The following NCOA1 variants were observed in gnomAD, a reference collection of about 807,000 sequenced individuals.
NCOA1 encodes the protein Hin-2 protein.
A neutral mutation model predicts 150.9 loss-of-function variants in NCOA1; 35 were observed. The ratio of observed to expected loss-of-function variants is 0.23; its 90% CI spans 0.18 to 0.31. The LOEUF is 0.31. NCOA1 is among the 10% of genes least tolerant of loss of function. The probability of loss-of-function intolerance (pLI) is 1.00; values close to 1 mark genes in which losing one functional copy is unlikely to be tolerated. For missense variants in NCOA1, 1,491 were observed against 1,749.3 expected, an observed-to-expected ratio of 0.85 and a Z score of 2.63; for synonymous variants, 590 against 630.0, an observed-to-expected ratio of 0.94 and a Z score of 0.95.
chr2:24,599,194 T>A (rs1272952261), intron 3 of NCOA1, among the ~76,000 whole-genome samples: 1 of 152,148 alleles, frequency 6.6e-6, no homozygotes, highest in Admixed American at 6.6e-5. Context: ...GATGGGCAAG[T>A]GGAATATAAG....
At chr2:24,585,511 A>T (rs2148319966) in intron 3 of NCOA1, among the ~76,000 whole-genome samples, 1 of 152,172 alleles carries the variant, frequency 6.6e-6, no homozygotes, top group East Asian at 1.9e-4. Context: ...TTTTTTTAAC[A>T]TAATGGCAAT....
intron 1 of NCOA1, among the ~76,000 whole-genome samples, chr2:24,498,362 A>G (rs1183631535): frequency 6.6e-6 from 1 of 152,240 alleles, no homozygotes; most frequent in East Asian, 1.9e-4. Flanking sequence ...TCTTAAGCAG[A>G]TTATGACCTG....
intron 1 of NCOA1, among the ~76,000 whole-genome samples, chr2:24,520,910 T>G (rs1664390459): frequency 3.1e-5 from 1 of 32,102 alleles, no homozygotes; most frequent in Admixed American, 5.3e-4. Flanking sequence ...TCTTTTTCCT[T>G]GCTCATTCTT....
At position 24,613,442 on chromosome 2, in the gene NCOA1, C is replaced by T. The variant is rs138670047; in HGVS notation, c.-175+28882C>T. Among the ~76,000 whole-genome samples, 118 of 152,308 alleles carry T rather than the reference C, an allele frequency of 7.7e-4. 1 individual carries two copies. The East Asian group carries it at 0.018, about 23-fold the overall frequency. On this transcript the variant is annotated intron_variant, in intron 3 of 22. Transcript: ENST00000348332. ...CAGGCCACCTACAGTCCCCTGATGG[C>T]AGGCACAATCACTAACACTGAGGGA... is the stretch of plus-strand genomic sequence containing the variant.
At chr2:24,674,063 G>A (rs138694907) in intron 7 of NCOA1, among the ~76,000 whole-genome samples, 11 of 151,536 alleles carry the variant, frequency 7.3e-5, no homozygotes, top group African/African-American at 2.2e-4. Flanking sequence ...TTGTTTCCAA[G>A]CATCCTCATT....
chr2:24,496,598 G>T (rs923762759), intron 1 of NCOA1, among the ~76,000 whole-genome samples: 2 of 152,112 alleles, frequency 1.3e-5, no homozygotes, highest in African/African-American at 4.8e-5. Context: ...TTTTGAGAGA[G>T]ATTCTCTTTT....
At chr2:24,540,479 A>G (rs1392152834) in intron 1 of NCOA1, among the ~76,000 whole-genome samples, 3 of 148,016 alleles carry the variant, frequency 2.0e-5, no homozygotes, top group Non-Finnish European at 4.5e-5. Flanking sequence ...TTTTTTTGAG[A>G]CGGAGTTTCG....
At chr2:24,523,091 C>T (rs1664488093) in intron 1 of NCOA1, among the ~76,000 whole-genome samples, 2 of 152,180 alleles carry the variant, frequency 1.3e-5, no homozygotes, top group Admixed American at 1.3e-4. Context: ...AGTCAATTAT[C>T]TGTAGGTAGA....
intron 1 of NCOA1, among the ~76,000 whole-genome samples, chr2:24,493,047 G>A (rs979854862): frequency 1.3e-5 from 2 of 152,044 alleles, no homozygotes; most frequent in East Asian, 1.9e-4. Flanking sequence ...GAAGGGGGTC[G>A]GATTTCTTCA....
intron 3 of NCOA1, among the ~76,000 whole-genome samples, chr2:24,620,871 C>T (rs1169657266): frequency 2.0e-5 from 3 of 152,076 alleles, no homozygotes; most frequent in Admixed American, 6.6e-5. Flanking sequence ...TTAGGATATG[C>T]AGGACCTTTC....
intron 3 of NCOA1, among the ~76,000 whole-genome samples, chr2:24,589,125 T>A (rs1667539374): frequency 6.6e-6 from 1 of 152,200 alleles, no homozygotes; most frequent in South Asian, 2.1e-4. Context: ...TTGTGTGACC[T>A]TGTAGTGGTG....
intron 1 of NCOA1, among the ~76,000 whole-genome samples, chr2:24,526,816 A>G (rs944451918): frequency 6.6e-6 from 1 of 152,168 alleles, no homozygotes; most frequent in African/African-American, 2.4e-5. Flanking sequence ...TGGGTTTTGC[A>G]TCCATGGATT....
In NCOA1 at chr2:24,734,546, C is replaced by G. The variant is rs1366702001; in HGVS notation, c.3201+4731C>G. On this transcript the variant is annotated intron_variant, in intron 17 of 22. Coordinates refer to ENST00000348332, the MANE Select transcript of NCOA1 (RefSeq NM_003743.5). ...GTGATGGCTTACACCTATAACCCCC[C>G]CATTTTGAGAGGCGTAGGCAGGAAG... Among the ~76,000 whole-genome samples, 4 of 152,186 alleles carry G rather than the reference C, an allele frequency of 2.6e-5. No homozygotes were observed. The East Asian group carries it at 7.7e-4, about 29-fold the overall frequency.
intron 6 of NCOA1, among the ~76,000 whole-genome samples, chr2:24,667,663 T>C (rs1048176892): frequency 2.0e-5 from 3 of 152,138 alleles, no homozygotes; most frequent in Admixed American, 2.0e-4. Context: ...AGAAACAGGA[T>C]AGCTGGAAAA....
rs199890382 is a variant in NCOA1, at chr2:24,707,826, A to G, written c.2356A>G (p.Thr786Ala). ...EKKEQMDPCN[T>A]NPTPMTKPTP... ...GAAAGAACAGATGGATCCATGTAAT[A>G]CAAACCCAACCCCAATGACCAAACC... is the stretch of plus-strand genomic sequence containing the variant. Residue 786 changes from threonine (T) to alanine (A), a missense_variant, in exon 13 of 23, where the codon ACA becomes GCA. Thr to Ala is a moderately conservative substitution (Grantham distance 58). Coordinates refer to ENST00000348332, the MANE Select transcript of NCOA1 (RefSeq NM_003743.5). 1.2e-6 allele frequency: 2 copies of G among 1,613,880 alleles called. No homozygotes were observed. The highest frequency in any genetic ancestry group is 8.5e-7 in the Non-Finnish European group (1 of 1,179,926).
chr2:24,535,307 A>T (rs1209614337), intron 1 of NCOA1, among the ~76,000 whole-genome samples: 2 of 151,740 alleles, frequency 1.3e-5, no homozygotes, highest in Admixed American at 6.6e-5. Flanking sequence ...TGCTTGGTAG[A>T]TCTTCCTCCA....
chr2:24,738,463 A>T (rs779293334), intron 17 of NCOA1, among the ~76,000 whole-genome samples: 11 of 152,180 alleles, frequency 7.2e-5, no homozygotes, highest in Non-Finnish European at 1.3e-4. Context: ...TTTTGTTACC[A>T]GATACTGTTA....
chr2:24,524,336 C>T (rs532047615), intron 1 of NCOA1, among the ~76,000 whole-genome samples: 1 of 152,278 alleles, frequency 6.6e-6, no homozygotes, highest in South Asian at 2.1e-4. Context: ...CACTCTGTCG[C>T]CCAGGCTGGT....
At chr2:24,644,724 C>G (rs1670385742) in intron 4 of NCOA1, among the ~76,000 whole-genome samples, 4 of 152,104 alleles carry the variant, frequency 2.6e-5, no homozygotes, top group Admixed American at 2.6e-4. Flanking sequence ...TGATCAGAAA[C>G]TGATAAATCA....
Sources: gnomAD v4.1 joint callset for allele counts (sites outside exome capture counted in the v4.1 genomes callset) on GRCh38, gnomAD v4.1.1 for gene constraint, MANE v1.5 for transcripts, NCBI Gene and HGNC (gene_info 2026-07-23, HGNC 2026-07-21) for gene names.